Variants in SLC39A12 observed in about 807,000 individuals in gnomAD.
The protein encoded by SLC39A12 is solute carrier family 39 member 12.
Under a neutral mutation model 71.1 loss-of-function variants are expected in SLC39A12, and 63 were observed. The ratio of observed to expected loss-of-function variants is 0.89; its 90% CI spans 0.72 to 1.09. SLC39A12 has a LOEUF of 1.09. SLC39A12 is among the 50% of genes least tolerant of loss of function. The pLI is 0.00. For missense variants in SLC39A12, 892 were observed against 812.6 expected, an observed-to-expected ratio of 1.10 and a Z score of -1.19; for synonymous variants, 351 against 301.3, an observed-to-expected ratio of 1.16 and a Z score of -1.71.
At chr10:18,038,654 AAAAT>A (rs141486316) in intron 12 of SLC39A12, among the ~76,000 whole-genome samples, 101,138 of 150,094 alleles carry the variant, frequency 0.67, 34,684 homozygotes, top group African/African-American at 0.75. Context: ...CTCTGTCTCA[AAAAT>A]AAATAAATAA....
chr10:17,956,598 T>C (rs1160957436), intron 2 of SLC39A12, among the ~76,000 whole-genome samples: 1 of 152,162 alleles, frequency 6.6e-6, no homozygotes, highest in Admixed American at 6.5e-5. Flanking sequence ...CCAGGGACAC[T>C]AGAGCAGCGC....
intron 2 of SLC39A12, among the ~76,000 whole-genome samples, chr10:17,958,439 G>A (rs1472964207): frequency 6.6e-6 from 1 of 151,984 alleles, no homozygotes. Flanking sequence ...TGTTAGACTT[G>A]GACCAATCTC....
intron 12 of SLC39A12, among the ~76,000 whole-genome samples, chr10:18,030,855 A>C (rs1427144063): frequency 7.6e-6 from 1 of 131,918 alleles, no homozygotes; most frequent in Non-Finnish European, 1.6e-5. Context: ...TGTCCATGTG[A>C]TCTCATTGTT....
intron 2 of SLC39A12, 71 bp from the exon 3 acceptor site, chr10:17,961,510 G>C: frequency 7.1e-7 from 1 of 1,413,036 alleles, no homozygotes; most frequent in East Asian, 2.3e-5. Context: ...AGACCCTGGT[G>C]GTCATTAGTG....
chr10:17,997,038 G>GAAAAAGA (rs1334940461), intron 10 of SLC39A12, among the ~76,000 whole-genome samples: 1 of 95,560 alleles, frequency 1.0e-5, no homozygotes, highest in South Asian at 3.1e-4. Flanking sequence ...AAAAAAAAAA[G>GAAAAAGA]AAAAAGAAAA....
chr10:17,988,279 G>C (rs755004056), intron 7 of SLC39A12, among the ~76,000 whole-genome samples: 1 of 152,212 alleles, frequency 6.6e-6, no homozygotes, highest in African/African-American at 2.4e-5. Context: ...CTGCACTCCA[G>C]CATGGGTGAC....
At chr10:18,001,254 C>G (rs752413003) in intron 11 of SLC39A12, among the ~76,000 whole-genome samples, 1 of 152,322 alleles carries the variant, frequency 6.6e-6, no homozygotes, top group Admixed American at 6.5e-5. Context: ...GTGGCTCACA[C>G]CTGTAATCCC....
chr10:17,966,069 T>G (rs1027554316), intron 4 of SLC39A12, among the ~76,000 whole-genome samples: 3 of 152,242 alleles, frequency 2.0e-5, no homozygotes, highest in African/African-American at 7.2e-5. Flanking sequence ...GCAAGACATT[T>G]GGCAGCAGTT....
At chr10:18,032,948 A>G (rs1836892312) in intron 12 of SLC39A12, among the ~76,000 whole-genome samples, 1 of 137,210 alleles carries the variant, frequency 7.3e-6, no homozygotes, top group Non-Finnish European at 1.6e-5. Context: ...ATGCTGGATT[A>G]CATTAATTGA....
intron 12 of SLC39A12, among the ~76,000 whole-genome samples, chr10:18,027,409 A>G (rs1016729275): frequency 1.1e-4 from 17 of 152,210 alleles, no homozygotes; most frequent in Non-Finnish European, 2.1e-4. Flanking sequence ...GCTCTGGTAT[A>G]TTTCAAAATG....
chr10:17,960,086 A>G (rs1376379289), intron 2 of SLC39A12, among the ~76,000 whole-genome samples: 3 of 152,242 alleles, frequency 2.0e-5, no homozygotes, highest in Non-Finnish European at 4.4e-5. Context: ...GGGATGTGAC[A>G]AGAGTAAGAA....
chr10:17,953,498 C>T lies in SLC39A12; in HGVS notation c.222C>T (p.Cys74=). 1 of 1,614,104 alleles carries T rather than the reference C, an allele frequency of 6.2e-7. No individual in the cohort carries two copies. The highest frequency in any genetic ancestry group is 1.1e-5 in the South Asian group (1 of 91,072). ...AAACATTGTTGGAGAAAACTGGGTGCCCACGGAGGAGAAACGGAATGCAAG... is the reference window on the plus strand; with the variant it reads ...AAACATTGTTGGAGAAAACTGGGTGTCCACGGAGGAGAAACGGAATGCAAG... ...LIKTLLEKTG[C]PRRRNGMQGD... The change falls in exon 2 of 13, where the codon TGC becomes TGT. Residue 74 remains cysteine, a synonymous_variant. Transcript: ENST00000377369.
intron 12 of SLC39A12, among the ~76,000 whole-genome samples, chr10:18,025,825 G>A (rs1836663071): frequency 6.6e-6 from 1 of 152,072 alleles, no homozygotes; most frequent in African/African-American, 2.4e-5. Context: ...CTTCCACCAT[G>A]GTTCTCTTAT....
chr10:17,992,547 A>G (rs1315562111), intron 8 of SLC39A12, among the ~76,000 whole-genome samples: 1 of 152,206 alleles, frequency 6.6e-6, no homozygotes, highest in East Asian at 1.9e-4. Context: ...TCTAATCCCA[A>G]GAAGCATTAA....
At chr10:17,986,136 G>A (rs1345336403) in intron 6 of SLC39A12, among the ~76,000 whole-genome samples, 3 of 152,226 alleles carry the variant, frequency 2.0e-5, no homozygotes, top group African/African-American at 4.8e-5. Context: ...TAGTCTTTTC[G>A]CCTTTGAGAA....
intron 7 of SLC39A12, among the ~76,000 whole-genome samples, chr10:17,990,676 A>T (rs1238345123): frequency 6.6e-6 from 1 of 152,154 alleles, no homozygotes; most frequent in African/African-American, 2.4e-5. Flanking sequence ...TTCACGGTGG[A>T]TTTCTTACTT....
At chr10:17,982,787 T>C (rs1161884628) in intron 6 of SLC39A12, among the ~76,000 whole-genome samples, 1 of 152,078 alleles carries the variant, frequency 6.6e-6, no homozygotes, top group African/African-American at 2.4e-5. Context: ...GAAAAGGGTT[T>C]TGAAATTAAG....
chr10:17,996,293 A>T (rs1271552259), intron 10 of SLC39A12, among the ~76,000 whole-genome samples: 1 of 152,092 alleles, frequency 6.6e-6, no homozygotes, highest in Admixed American at 6.5e-5. Context: ...CCAATTTTGG[A>T]TAGAACTTTA....
At position 18,012,865 on chromosome 10, in the gene SLC39A12, CAAA is replaced by C. The variant is rs35173291; in HGVS notation, c.1947+9525_1947+9527del. Among the ~76,000 whole-genome samples the C allele has an allele frequency of 8.9e-3, 932 of 104,352 alleles. 4 individuals carry two copies. Among genetic ancestry groups the C allele is most frequent in the Admixed American group, 0.014 (134 of 9,546 alleles). The allele number at this position is 104,352 out of a possible 152,430, so 68.5% of individuals were successfully genotyped here. Reference sequence around the variant, plus strand: ...TGGGTGACAAGGTGAGACTACGTCTCAAAAAAAAAAAAAAAAAAAAGGGCTTAA... The same window carrying C: ...TGGGTGACAAGGTGAGACTACGTCTCAAAAAAAAAAAAAAAAAGGGCTTAA... On this transcript the variant is annotated intron_variant, in intron 12 of 12. Transcript: ENST00000377369.
Sources: allele counts gnomAD v4.1 joint callset (sites outside exome capture counted in the v4.1 genomes callset), GRCh38; gene constraint gnomAD v4.1.1; transcripts MANE v1.5; gene names NCBI Gene and HGNC (gene_info 2026-07-23, HGNC 2026-07-21).